UVRAG: variants seen among roughly 807,000 people sequenced by gnomAD.
UVRAG encodes the protein UV radiation resistance-associated gene protein.
In UVRAG, 19 loss-of-function variants were observed where a neutral mutation model predicts 78.0. The observed-to-expected ratio is 0.24, with a 90% CI of 0.17 to 0.36. The LOEUF is 0.36. UVRAG is among the 10% of genes least tolerant of loss of function. The probability of loss-of-function intolerance (pLI) is 1.00; values close to 1 mark genes in which losing one functional copy is unlikely to be tolerated. For missense variants in UVRAG, 740 were observed against 853.8 expected, an observed-to-expected ratio of 0.87 and a Z score of 1.66; for synonymous variants, 323 against 324.6, an observed-to-expected ratio of 1.00 and a Z score of 0.05.
intron 6 of UVRAG, among the ~76,000 whole-genome samples, chr11:75,956,430 G>T (rs1457464248): frequency 6.8e-6 from 1 of 147,098 alleles, no homozygotes; most frequent in Non-Finnish European, 1.5e-5. Context: ...TCTGTCGCCA[G>T]GCTGGAGTGC....
At position 75,959,970 on chromosome 11, in the gene UVRAG, A is replaced by G. The variant is rs11820629; in HGVS notation, c.594-1474A>G. Among the ~76,000 whole-genome samples, 1,360 of 152,300 alleles carry G rather than the reference A, an allele frequency of 8.9e-3. 21 individuals carry two copies. The highest frequency in any genetic ancestry group is 0.032 in the African/African-American group (1,311 of 41,566). On this transcript the variant is annotated intron_variant, in intron 6 of 14. Transcript: ENST00000356136. Reference sequence around the variant, plus strand: ...GTCAGAACACAAAACATTTATCGATAAAGTTCACTATCTTATACGGGTACA... The same window carrying G: ...GTCAGAACACAAAACATTTATCGATGAAGTTCACTATCTTATACGGGTACA...
chr11:75,903,235 A>T (rs1033073169), intron 5 of UVRAG, among the ~76,000 whole-genome samples: 4 of 152,120 alleles, frequency 2.6e-5, no homozygotes, highest in Non-Finnish European at 5.9e-5. Flanking sequence ...GTCTTCCTCC[A>T]ATTTATGAGG....
At chr11:75,832,101 A>C (rs1402205078) in intron 1 of UVRAG, among the ~76,000 whole-genome samples, 1 of 152,200 alleles carries the variant, frequency 6.6e-6, no homozygotes, top group African/African-American at 2.4e-5. Flanking sequence ...TAAGTCAGGG[A>C]CTGTCTGTAC....
At chr11:76,030,041 G>A (rs138393074) in intron 12 of UVRAG, among the ~76,000 whole-genome samples, 5 of 152,012 alleles carry the variant, frequency 3.3e-5, no homozygotes, top group African/African-American at 7.2e-5. Flanking sequence ...ACTAAGATAC[G>A]TACGTTGTTT....
intron 12 of UVRAG, among the ~76,000 whole-genome samples, chr11:76,065,459 G>A (rs1030262579): frequency 1.3e-5 from 2 of 152,184 alleles, no homozygotes; most frequent in African/African-American, 4.8e-5. Context: ...CTTGGGGTGG[G>A]TTGGTCACTT....
intron 8 of UVRAG, among the ~76,000 whole-genome samples, chr11:75,996,805 C>G (rs1411032678): frequency 6.6e-6 from 1 of 152,186 alleles, no homozygotes; most frequent in African/African-American, 2.4e-5. Context: ...CTTTCTGATT[C>G]ATAAGTCCAT....
intron 6 of UVRAG, among the ~76,000 whole-genome samples, chr11:75,943,317 TTA>T (rs1491242449): frequency 6.6e-6 from 1 of 151,090 alleles, no homozygotes; most frequent in African/African-American, 2.5e-5. Context: ...TTTTTTTTTT[TTA>T]AATTTATTGG....
intron 1 of UVRAG, among the ~76,000 whole-genome samples, chr11:75,829,911 C>T (rs1945615762): frequency 1.3e-5 from 2 of 152,366 alleles, no homozygotes; most frequent in East Asian, 3.9e-4. Flanking sequence ...ACAATCTCGG[C>T]TCACTGCAGC....
chr11:76,010,957 T>C (rs1355720044), intron 11 of UVRAG, among the ~76,000 whole-genome samples: 2 of 152,128 alleles, frequency 1.3e-5, no homozygotes, highest in Admixed American at 1.3e-4. Context: ...AGTTAGGCTT[T>C]TAAAAGTCAC....
chr11:75,906,654 A>G (rs141787354), intron 5 of UVRAG, among the ~76,000 whole-genome samples: 4 of 152,258 alleles, frequency 2.6e-5, no homozygotes, highest in East Asian at 1.9e-4. Flanking sequence ...GGCCAGCTTT[A>G]TGGTTTTACA....
rs575978781 is a variant in UVRAG, at chr11:75,888,404, A to C, written c.433-425A>C. On this transcript the variant is annotated intron_variant, in intron 4 of 14. Coordinates refer to ENST00000356136, the MANE Select transcript of UVRAG (RefSeq NM_003369.4). ...AGCTATCTGCCCATCTCTGCCTCCC[A>C]AAGTGCTGGGAATATAGGCGTGAGC... 5.3e-5 allele frequency among the ~76,000 whole-genome samples: 8 copies of C among 152,290 alleles called. No individual in the cohort carries two copies. The South Asian group carries it at 1.7e-3, about 32-fold the overall frequency.
intron 3 of UVRAG, among the ~76,000 whole-genome samples, chr11:75,878,957 G>A (rs1165598993): frequency 6.6e-6 from 1 of 151,604 alleles, no homozygotes; most frequent in Non-Finnish European, 1.5e-5. Flanking sequence ...TATGTTTAAT[G>A]TAGGGGAAAT....
Position 75,908,712 on chromosome 11 carries a change from CTTTTTTTTTT to C in UVRAG, c.508-3224_508-3215del, listed in dbSNP as rs1024795820. Among the ~76,000 whole-genome samples, 15 of 45,452 alleles carry C rather than the reference CTTTTTTTTTT, an allele frequency of 3.3e-4. 1 individual carries two copies. Among genetic ancestry groups the C allele is most frequent in the East Asian group, 6.4e-4 (1 of 1,554 alleles). The allele number at this position is 45,452 out of a possible 152,430, so 29.8% of individuals were successfully genotyped here. On this transcript the variant is annotated intron_variant, in intron 5 of 14. Coordinates refer to ENST00000356136, the MANE Select transcript of UVRAG (RefSeq NM_003369.4). Reference sequence around the variant, plus strand: ...ACCAGTCAAATAATCTGGTTCTGGGCTTTTTTTTTTTTTTTTTTTTTTTTTTTGTGGGAGT... The same window carrying C: ...ACCAGTCAAATAATCTGGTTCTGGGCTTTTTTTTTTTTTTTTTGTGGGAGT...
chr11:75,928,932 A>ACC (rs1948170168), intron 6 of UVRAG, among the ~76,000 whole-genome samples: 1 of 83,114 alleles, frequency 1.2e-5, no homozygotes, highest in South Asian at 5.5e-4. Context: ...ACAGAGCGAG[A>ACC]CTGTCTCAAA....
chr11:76,098,773 T>A (rs1951829501), intron 13 of UVRAG, among the ~76,000 whole-genome samples: 1 of 152,174 alleles, frequency 6.6e-6, no homozygotes, highest in Non-Finnish European at 1.5e-5. Flanking sequence ...AAATTTATGC[T>A]GATTTTTTTC....
rs752753387 is a variant in UVRAG at position 76,141,221 on chromosome 11, C to T, written c.1908C>T (p.Ile636=). 20 of 1,613,982 alleles carry T rather than the reference C, an allele frequency of 1.2e-5. No homozygotes were observed. The highest frequency in any genetic ancestry group is 1.6e-4 in the Middle Eastern group (1 of 6,084). ...CTGTGGAGCAAGCAGAAGAAATCATCGGGCTGGAAGCCACAGGTTTCGCCT... is the reference window on the plus strand; with the variant it reads ...CTGTGGAGCAAGCAGAAGAAATCATTGGGCTGGAAGCCACAGGTTTCGCCT... ...CCTVEQAEEI[I]GLEATGFASG... Residue 636 remains isoleucine, a synonymous_variant, in exon 15 of 15, where the codon ATC becomes ATT. Transcript: ENST00000356136.
intron 6 of UVRAG, chr11:75,916,866 G>A (rs1157461094): frequency 1.3e-5 from 2 of 152,160 alleles, no homozygotes. Context: ...GACCAATTAA[G>A]CCAGTTTCTT....
rs146122619 is a variant in UVRAG, at chr11:75,897,871, A to ATTTTTTTTTTTT, written c.507+8975_507+8986dup. 8.1e-3 allele frequency among the ~76,000 whole-genome samples: 876 copies of ATTTTTTTTTTTT among 108,812 alleles called. 62 individuals carry two copies. Among genetic ancestry groups the ATTTTTTTTTTTT allele is most frequent in the African/African-American group, 0.033 (821 of 24,668 alleles). 71.4% of individuals were successfully genotyped at this position (108,812 alleles called of 152,430 possible). On this transcript the variant is annotated intron_variant, in intron 5 of 14. Coordinates refer to ENST00000356136, the MANE Select transcript of UVRAG (RefSeq NM_003369.4). ...ATATACTTACCTTCATAGCTCTTTA[A>ATTTTTTTTTTTT]TTTTTTTTTTTTTTTTTTGGACAAG...
intron 7 of UVRAG, among the ~76,000 whole-genome samples, chr11:75,972,833 C>T (rs772038417): frequency 3.9e-5 from 6 of 152,106 alleles, no homozygotes; most frequent in African/African-American, 7.2e-5. Context: ...TTGTTCATTG[C>T]TGTTACACAG....
Sources: allele counts gnomAD v4.1 joint callset (sites outside exome capture counted in the v4.1 genomes callset), GRCh38; gene constraint gnomAD v4.1.1; transcripts MANE v1.5; gene names NCBI Gene and HGNC (gene_info 2026-07-23, HGNC 2026-07-21).